DPP8: variants seen among roughly 807,000 people sequenced by gnomAD.
DPP8 encodes the protein dipeptidyl peptidase 8.
In DPP8, 31 loss-of-function variants were observed where a neutral mutation model predicts 107.5. The ratio of observed to expected loss-of-function variants is 0.29; its 90% CI spans 0.22 to 0.39. The LOEUF is 0.39. Ranked by LOEUF, DPP8 falls within the 10% of genes least tolerant of loss-of-function variation. DPP8 has a pLI of 1.00. For missense variants in DPP8, 842 were observed against 1,076.1 expected (o/e 0.78, Z 3.04); for synonymous variants, 381 against 356.6 (o/e 1.07, Z -0.77).
chr15:65,462,733 C>T (rs1477918882), intron 15 of DPP8, among the ~76,000 whole-genome samples: 1 of 152,128 alleles, frequency 6.6e-6, no homozygotes, highest in Non-Finnish European at 1.5e-5. Context: ...GCACGCACTA[C>T]CACGCCCAGC....
At chr15:65,493,293 G>A (rs2068230258) in intron 5 of DPP8, among the ~76,000 whole-genome samples, 1 of 152,078 alleles carries the variant, frequency 6.6e-6, no homozygotes, top group African/African-American at 2.4e-5. Flanking sequence ...TGTTGGTCAG[G>A]CTGGTCTTGA....
intron 4 of DPP8, among the ~76,000 whole-genome samples, chr15:65,498,634 T>C (rs529657415): frequency 6.6e-6 from 1 of 152,270 alleles, no homozygotes; most frequent in African/African-American, 2.4e-5. Context: ...TCATTAAACA[T>C]TGTTATTAAA....
rs376280875 is a variant in DPP8 at position 65,517,488 on chromosome 15, TC to T, written c.-15del. The stretch of plus-strand genomic sequence containing the variant: ...GGAGAAGGGGGCGGATACTGCACCT[TC>T]CCCCCGGCCCCGCCCGGACCGTCCC... On this transcript the variant is annotated 5_prime_UTR_variant, in exon 1 of 20. Coordinates refer to ENST00000300141, the MANE Select transcript of DPP8 (RefSeq NM_130434.5). 2.4e-4 allele frequency: 36 copies of T among 152,546 alleles called. No individual in the cohort carries two copies. The highest frequency in any genetic ancestry group is 8.2e-4 in the African/African-American group (34 of 41,540). The allele number at this position is 152,546 out of a possible 1,614,324, so 9.4% of individuals were successfully genotyped here. A position where few individuals can be genotyped will look rare whatever the true frequency, so the allele number is the denominator to read the frequency against.
At chr15:65,463,580 C>G (rs540261354) in intron 15 of DPP8, among the ~76,000 whole-genome samples, 181 bp downstream of exon 15, 1 of 150,584 alleles carries the variant, frequency 6.6e-6, no homozygotes, top group African/African-American at 2.4e-5. Context: ...ACAAATTAAA[C>G]CTCCAACAAA....
intron 1 of DPP8, among the ~76,000 whole-genome samples, chr15:65,514,372 G>C (rs1280181075): frequency 6.6e-6 from 1 of 152,174 alleles, no homozygotes; most frequent in Non-Finnish European, 1.5e-5. Context: ...GGAGTATCCA[G>C]CACACTGATA....
At chr15:65,486,083 G>T (rs1386636021) in intron 7 of DPP8, among the ~76,000 whole-genome samples, 53 of 127,344 alleles carry the variant, frequency 4.2e-4, no homozygotes, top group African/African-American at 1.5e-3. Context: ...GACACAGCGA[G>T]ACTCTGTCTC....
At chr15:65,449,236 T>A (rs1273873135) in intron 19 of DPP8, among the ~76,000 whole-genome samples, 2 of 145,682 alleles carry the variant, frequency 1.4e-5, no homozygotes, top group East Asian at 2.0e-4. Flanking sequence ...AAAATAAATA[T>A]ATATATATAT....
At chr15:65,477,933 A>G (rs1352358720) in intron 11 of DPP8, among the ~76,000 whole-genome samples, 2 of 152,182 alleles carry the variant, frequency 1.3e-5, no homozygotes, top group African/African-American at 4.8e-5. Context: ...CTATTCTAAA[A>G]CAAACTATAT....
intron 1 of DPP8, chr15:65,516,271 G>A (rs2071427498): frequency 6.5e-6 from 1 of 153,480 alleles, no homozygotes; most frequent in Non-Finnish European, 1.4e-5. Context: ...TTGCAGAAAG[G>A]GAATTAACTT....
intron 8 of DPP8, among the ~76,000 whole-genome samples, chr15:65,484,509 A>G (rs1039102271): frequency 1.3e-5 from 2 of 152,030 alleles, no homozygotes; most frequent in African/African-American, 4.8e-5. Context: ...AATAAATCGT[A>G]TTACATGTGA....
At chr15:65,515,839 G>A (rs2071384152) in intron 1 of DPP8, 1 of 713,516 alleles carries the variant, frequency 1.4e-6, no homozygotes, top group East Asian at 2.8e-5. Context: ...TCATTAAGAT[G>A]GACCATATGT....
At chr15:65,450,640 C>T (rs79730739) in intron 19 of DPP8, 7,370 of 158,438 alleles carry the variant, frequency 0.047, 603 homozygotes, top group African/African-American at 0.17. Flanking sequence ...ATAATCAGGC[C>T]CTAAAAATCC....
At chr15:65,493,879 A>AT (rs984802698) in intron 5 of DPP8, among the ~76,000 whole-genome samples, 4 of 152,050 alleles carry the variant, frequency 2.6e-5, no homozygotes, top group African/African-American at 9.7e-5. Flanking sequence ...TTAGAAACCT[A>AT]TTGTGAGTAA....
Position 65,474,931 on chromosome 15 carries a change from A to G in DPP8, c.1457-643T>C, listed in dbSNP as rs114259228. Among the ~76,000 whole-genome samples, 517 of 152,384 alleles carry G rather than the reference A, an allele frequency of 3.4e-3. 3 individuals are homozygous for G. Among genetic ancestry groups the G allele is most frequent in the African/African-American group, 0.012 (499 of 41,596 alleles). ...AAAAGAGATTTTTTGGCAAAGCCAG[A>G]GGAAAACTCAAAAGCACCTGCATTC... On this transcript the variant is annotated intron_variant, in intron 11 of 19. Coordinates refer to ENST00000300141, the MANE Select transcript of DPP8 (RefSeq NM_130434.5).
At chr15:65,453,715 T>TCAAAA (rs1361108670) in intron 17 of DPP8, among the ~76,000 whole-genome samples, 3 of 151,662 alleles carry the variant, frequency 2.0e-5, no homozygotes, top group African/African-American at 2.4e-5. Context: ...AGACTCCGTC[T>TCAAAA]CAAAACAAAA....
At chr15:65,461,581 T>C (rs2064924296) in intron 15 of DPP8, among the ~76,000 whole-genome samples, 1 of 147,890 alleles carries the variant, frequency 6.8e-6, no homozygotes, top group Non-Finnish European at 1.5e-5. Context: ...TCCTATGATT[T>C]TTCTCTTGAG....
At chr15:65,456,562 A>C (rs1282896721) in intron 15 of DPP8, among the ~76,000 whole-genome samples, 191 bp from the exon 16 acceptor site, 1 of 152,234 alleles carries the variant, frequency 6.6e-6, no homozygotes, top group African/African-American at 2.4e-5. Flanking sequence ...ACTCAAGTTC[A>C]GGGCAATTAC....
chr15:65,471,101 A>C (rs560170869), intron 12 of DPP8, among the ~76,000 whole-genome samples: 20 of 152,116 alleles, frequency 1.3e-4, no homozygotes, highest in Non-Finnish European at 2.2e-4. Flanking sequence ...TTATGTAATG[A>C]CTCATCCTTC....
chr15:65,466,423 C>A (rs1214510722), intron 14 of DPP8, among the ~76,000 whole-genome samples: 3 of 152,126 alleles, frequency 2.0e-5, no homozygotes, highest in African/African-American at 7.2e-5. Context: ...CAGGTGTGAG[C>A]CACTGCACCT....
Sources: gnomAD v4.1 joint callset for allele counts (sites outside exome capture counted in the v4.1 genomes callset) on GRCh38, gnomAD v4.1.1 for gene constraint, MANE v1.5 for transcripts, NCBI Gene and HGNC (gene_info 2026-07-23, HGNC 2026-07-21) for gene names.